Variants in ANKRD30BL observed in about 807,000 individuals in gnomAD.
The protein encoded by ANKRD30BL is ankyrin repeat domain 30B like.
In ANKRD30BL, 20 loss-of-function variants were observed where a neutral mutation model predicts 18.4. That is an observed-to-expected ratio of 1.09 (90% confidence interval 0.77 to 1.58). ANKRD30BL has a LOEUF of 1.58. Ranked by LOEUF, ANKRD30BL falls within the 40% of genes most tolerant of loss-of-function variation. The probability of loss-of-function intolerance (pLI) is 0.00; values close to 1 mark genes in which losing one functional copy is unlikely to be tolerated. For missense variants in ANKRD30BL, 224 were observed against 268.6 expected (o/e 0.83, Z 1.16); for synonymous variants, 72 against 100.9 (o/e 0.71, Z 1.72).
In ANKRD30BL at chr2:132,149,651, A is replaced by G. The variant is rs549605071; in HGVS notation, c.679+1261T>C. 1.3e-4 allele frequency among the ~76,000 whole-genome samples: 20 copies of G among 152,052 alleles called. No homozygotes were observed. The South Asian group carries it at 4.2e-3, about 32-fold the overall frequency. On this transcript the variant is annotated intron_variant, in intron 5 of 5. Coordinates refer to ENST00000409867, the MANE Select transcript of ANKRD30BL (RefSeq NM_001358416.1). Reference sequence around the variant, plus strand: ...TCTAAAGATAGTTACTTTTTTAGTGACAAAAGTCACTATGCCACACAGTTG... The same window carrying G: ...TCTAAAGATAGTTACTTTTTTAGTGGCAAAAGTCACTATGCCACACAGTTG...
intron 1 of ANKRD30BL, among the ~76,000 whole-genome samples, chr2:132,223,890 G>C (rs1013391379): frequency 1.3e-5 from 2 of 151,730 alleles, no homozygotes; most frequent in African/African-American, 4.8e-5. Flanking sequence ...GAGCAGTTTT[G>C]AAACACTCTT....
chr2:132,216,656 C>T (rs140719561), intron 1 of ANKRD30BL, among the ~76,000 whole-genome samples: 3 of 150,260 alleles, frequency 2.0e-5, no homozygotes, highest in Non-Finnish European at 3.0e-5. Context: ...GCATGTGGAC[C>T]TTTGGAGCGC....
chr2:132,174,791 T>C (rs1688333392), intron 1 of ANKRD30BL, among the ~76,000 whole-genome samples: 1 of 152,204 alleles, frequency 6.6e-6, no homozygotes, highest in Non-Finnish European at 1.5e-5. Context: ...GTATCAGTGT[T>C]CTCTAGATGT....
intron 1 of ANKRD30BL, among the ~76,000 whole-genome samples, chr2:132,169,843 A>C (rs1688249081): frequency 6.6e-6 from 1 of 152,094 alleles, no homozygotes; most frequent in African/African-American, 2.4e-5. Flanking sequence ...TACTATATAA[A>C]TTAAACAGCC....
intron 1 of ANKRD30BL, among the ~76,000 whole-genome samples, chr2:132,184,674 A>G (rs1688532853): frequency 6.6e-6 from 1 of 152,192 alleles, no homozygotes; most frequent in South Asian, 2.1e-4. Flanking sequence ...ATTCATATGA[A>G]GAATGAAACG....
chr2:132,207,281 T>C, intron 1 of ANKRD30BL, among the ~76,000 whole-genome samples: 1 of 152,060 alleles, frequency 6.6e-6, no homozygotes, highest in East Asian at 1.9e-4. Flanking sequence ...TTCAAATCAA[T>C]ACCAATCAGG....
At chr2:132,225,009 T>G (rs140074187) in intron 1 of ANKRD30BL, among the ~76,000 whole-genome samples, 1 of 151,252 alleles carries the variant, frequency 6.6e-6, no homozygotes, top group African/African-American at 2.4e-5. Flanking sequence ...GAAGCATTCT[T>G]AGAAACTTCT....
intron 1 of ANKRD30BL, among the ~76,000 whole-genome samples, chr2:132,242,281 C>G (rs1266259643): frequency 6.6e-6 from 1 of 150,986 alleles, no homozygotes; most frequent in Non-Finnish European, 1.5e-5. Flanking sequence ...AATTCCCTTT[C>G]ATGGAGAAGT....
chr2:132,162,580 G>T, upstream of ANKRD30BL, among the ~76,000 whole-genome samples: 1 of 152,190 alleles, frequency 6.6e-6, no homozygotes. Flanking sequence ...GCGCAGTGGC[G>T]GTGTCCGACC....
chr2:132,148,956 G>T (rs1054789580), intron 5 of ANKRD30BL, among the ~76,000 whole-genome samples: 2 of 152,114 alleles, frequency 1.3e-5, no homozygotes, highest in Admixed American at 6.5e-5. Flanking sequence ...TGGACAAGTG[G>T]ATAAACAAAT....
rs1688074615 is a variant in ANKRD30BL at position 132,161,836 on chromosome 2, A to T, written c.-131T>A. The T allele has an allele frequency of 1.6e-6, 1 of 624,912 alleles. No homozygotes were observed. The highest frequency in any genetic ancestry group is 2.0e-5 in the South Asian group (1 of 51,020). 38.7% of individuals were successfully genotyped at this position (624,912 alleles called of 1,614,324 possible). A position where few individuals can be genotyped will look rare whatever the true frequency, so the allele number is the denominator to read the frequency against. On this transcript the variant is annotated 5_prime_UTR_variant, in exon 1 of 6. It adds an upstream start codon to the 5' untranslated region. Transcript: ENST00000409867. ...AAGACTAGAAATCTCAGTCGGGCCA[A>T]GCTTTTGGACACTCCAACCTCTCCC... is the stretch of plus-strand genomic sequence containing the variant.
chr2:132,219,379 G>T (rs1301248224), intron 1 of ANKRD30BL, among the ~76,000 whole-genome samples: 1 of 152,030 alleles, frequency 6.6e-6, no homozygotes, highest in Non-Finnish European at 1.5e-5. Context: ...TCAACTCACA[G>T]ATTTGAAGCT....
At chr2:132,247,388 T>C (rs1680533757) in intron 1 of ANKRD30BL, among the ~76,000 whole-genome samples, 2 of 151,278 alleles carry the variant, frequency 1.3e-5, no homozygotes, top group Non-Finnish European at 3.0e-5. Context: ...ACTGATGGAG[T>C]TGAGCCTTTC....
At chr2:132,190,839 T>G (rs1678830913) in intron 1 of ANKRD30BL, among the ~76,000 whole-genome samples, 1 of 152,188 alleles carries the variant, frequency 6.6e-6, no homozygotes, top group Non-Finnish European at 1.5e-5. Context: ...ATAAGGAAAT[T>G]TCCTTTATGA....
At chr2:132,161,393 C>T (rs1688052532) in intron 1 of ANKRD30BL, 95 bp downstream of exon 1, 6 of 1,229,310 alleles carry the variant, frequency 4.9e-6, no homozygotes, top group Non-Finnish European at 6.8e-6. Context: ...ACCTGCTCCC[C>T]TCGTCCCCAG....
chr2:132,230,968 C>T (rs1679993873), intron 1 of ANKRD30BL, among the ~76,000 whole-genome samples: 1 of 152,104 alleles, frequency 6.6e-6, no homozygotes, highest in African/African-American at 2.4e-5. Flanking sequence ...TTGCAGCCTT[C>T]ATTGGAAACG....
chr2:132,242,154 G>A (rs1293564002), intron 1 of ANKRD30BL, among the ~76,000 whole-genome samples: 2 of 151,660 alleles, frequency 1.3e-5, no homozygotes, highest in Non-Finnish European at 3.0e-5. Flanking sequence ...TTTACAAGTG[G>A]ATGTTAGGAC....
intron 1 of ANKRD30BL, among the ~76,000 whole-genome samples, chr2:132,232,815 G>C (rs1434768129): frequency 2.0e-5 from 3 of 151,978 alleles, no homozygotes; most frequent in African/African-American, 4.8e-5. Context: ...CCAACATTCA[G>C]ATTCAGGAAA....
At chr2:132,171,074 T>G (rs1688271176) in intron 1 of ANKRD30BL, among the ~76,000 whole-genome samples, 1 of 149,598 alleles carries the variant, frequency 6.7e-6, no homozygotes, top group South Asian at 2.1e-4. Context: ...GAGAATGGCG[T>G]GAACCCGGAG....
Sources: allele counts gnomAD v4.1 joint callset (sites outside exome capture counted in the v4.1 genomes callset), GRCh38; gene constraint gnomAD v4.1.1; transcripts MANE v1.5; gene names NCBI Gene and HGNC (gene_info 2026-07-23, HGNC 2026-07-21).